GABRG3: variants seen among roughly 807,000 people sequenced by gnomAD.
GABRG3 encodes gamma-aminobutyric acid receptor subunit gamma-3.
Under a neutral mutation model 48.8 loss-of-function variants are expected in GABRG3, and 25 were observed. The ratio of observed to expected loss-of-function variants is 0.51; its 90% confidence interval spans 0.37 to 0.72. The LOEUF (loss-of-function observed/expected upper bound fraction) is 0.72, where lower values mean the gene tolerates loss of function less well. Among genes scored for constraint, GABRG3 ranks in the 30% least tolerant of loss-of-function variants. The pLI, the probability that GABRG3 is intolerant of heterozygous loss-of-function variation, is 0.00. For synonymous variants in GABRG3, 227 were observed against 217.6 expected (o/e 1.04, Z -0.38); for missense variants, 394 against 577.9 (o/e 0.68, Z 3.26).
At chr15:27,098,576 G>A (rs758087359) in intron 3 of GABRG3, among the ~76,000 whole-genome samples, 1 of 152,060 alleles carries the variant, frequency 6.6e-6, no homozygotes, top group South Asian at 2.1e-4. Flanking sequence ...TTTTAAATAA[G>A]AAGTTTGACA....
At chr15:27,363,813 A>T (rs1327123509) in intron 5 of GABRG3, 1 of 152,210 alleles carries the variant, frequency 6.6e-6, no homozygotes. Flanking sequence ...GCTCTGATAG[A>T]CTTACATTGC....
chr15:27,187,458 T>G (rs1367107738), intron 3 of GABRG3, among the ~76,000 whole-genome samples: 6 of 152,300 alleles, frequency 3.9e-5, no homozygotes, highest in Admixed American at 3.9e-4. Context: ...GCATTGGTAG[T>G]TTGATAGGAA....
At chr15:27,520,398 A>T (rs976868665) in intron 7 of GABRG3, among the ~76,000 whole-genome samples, 5 of 151,948 alleles carry the variant, frequency 3.3e-5, no homozygotes, top group Non-Finnish European at 5.9e-5. Context: ...ATGATCACAA[A>T]AACACAGGCA....
chr15:27,247,620 C>T (rs1018798598), intron 3 of GABRG3, among the ~76,000 whole-genome samples: 15 of 152,058 alleles, frequency 9.9e-5, no homozygotes, highest in Admixed American at 4.6e-4. Context: ...TGTATTAGTC[C>T]GTTTTCACGC....
intron 3 of GABRG3, among the ~76,000 whole-genome samples, chr15:27,075,142 T>G (rs1029879467): frequency 6.6e-6 from 1 of 152,240 alleles, no homozygotes; most frequent in South Asian, 2.1e-4. Flanking sequence ...TTTTCTCATT[T>G]GTTTAGAGTA....
chr15:27,367,184 C>G (rs1268136355), intron 5 of GABRG3, among the ~76,000 whole-genome samples: 6 of 152,188 alleles, frequency 3.9e-5, no homozygotes, highest in Non-Finnish European at 1.5e-5. Flanking sequence ...GAGCTGCTCA[C>G]TACCTCCCTC....
chr15:27,322,263 A>C (rs926836165), intron 3 of GABRG3, among the ~76,000 whole-genome samples: 1 of 152,230 alleles, frequency 6.6e-6, no homozygotes, highest in Non-Finnish European at 1.5e-5. Flanking sequence ...TTAAAGTGGC[A>C]TTCATGGCAA....
chr15:27,275,903 G>A (rs1476737828), intron 3 of GABRG3, among the ~76,000 whole-genome samples: 1 of 152,186 alleles, frequency 6.6e-6, no homozygotes, highest in Non-Finnish European at 1.5e-5. Context: ...GGAGAAAGTA[G>A]GGGGCTCTGA....
intron 3 of GABRG3, among the ~76,000 whole-genome samples, chr15:27,076,807 GC>G (rs1467881807): frequency 6.6e-6 from 1 of 152,176 alleles, no homozygotes; most frequent in Non-Finnish European, 1.5e-5. Flanking sequence ...GAATGATTCT[GC>G]CCCAGAGCTC....
At chr15:27,062,766 G>T (rs1896673446) in intron 3 of GABRG3, among the ~76,000 whole-genome samples, 1 of 152,200 alleles carries the variant, frequency 6.6e-6, no homozygotes, top group South Asian at 2.1e-4. Context: ...CAAGGGCCAG[G>T]TGTAGAGAGT....
In GABRG3 at chr15:27,524,203, A is replaced by G. The variant is rs142305144; in HGVS notation, c.866-3230A>G. ...AATGGATTTCTCATCCAAACCATGG[A>G]GGCAAGGAGGAAGTAGCACAGCATT... On this transcript the variant is annotated intron_variant, in intron 7 of 9. Coordinates refer to ENST00000615808, the MANE Select transcript of GABRG3 (RefSeq NM_033223.5). 9.0e-3 allele frequency among the ~76,000 whole-genome samples: 1,374 copies of G among 152,180 alleles called. 31 individuals carry two copies. The highest frequency in any genetic ancestry group is 0.052 in the Admixed American group (799 of 15,284).
At chr15:27,485,120 C>T (rs1461009488) in intron 6 of GABRG3, among the ~76,000 whole-genome samples, 1 of 152,110 alleles carries the variant, frequency 6.6e-6, no homozygotes, top group East Asian at 1.9e-4. Flanking sequence ...CACCACTTGG[C>T]CACGTGATCG....
Position 27,539,393 on chromosome 15 carries a change from G to A in GABRG3, c.*6512G>A, listed in dbSNP as rs1233980702. ...GAACATGTGCCTGTGCCCACCCACA[G>A]CACTTCCTTGGAACTCTAAGCTGCT... On this transcript the variant is annotated 3_prime_UTR_variant, in exon 10 of 10. Coordinates refer to ENST00000615808, the MANE Select transcript of GABRG3 (RefSeq NM_033223.5). 6.6e-6 allele frequency: 1 copy of A among 152,150 alleles called. No homozygotes were observed. The highest frequency in any genetic ancestry group is 1.5e-5 in the Non-Finnish European group (1 of 68,020). 9.4% of individuals were successfully genotyped at this position (152,150 alleles called of 1,614,324 possible). A position where few individuals can be genotyped will look rare whatever the true frequency, so the allele number is the denominator to read the frequency against.
intron 1 of GABRG3, among the ~76,000 whole-genome samples, chr15:26,971,819 C>G (rs904972178): frequency 6.6e-6 from 1 of 152,136 alleles, no homozygotes; most frequent in Non-Finnish European, 1.5e-5. Flanking sequence ...TTAATGGGCT[C>G]GTCTCCTGAC....
intron 3 of GABRG3, among the ~76,000 whole-genome samples, chr15:27,120,523 G>A (rs917584344): frequency 6.6e-6 from 1 of 152,098 alleles, no homozygotes; most frequent in Admixed American, 6.6e-5. Context: ...TGTAGGGAAG[G>A]TCATGATATT....
At chr15:27,018,995 A>G (rs1391741568) in intron 2 of GABRG3, among the ~76,000 whole-genome samples, 1 of 151,148 alleles carries the variant, frequency 6.6e-6, no homozygotes, top group Non-Finnish European at 1.5e-5. Flanking sequence ...TGTCACGATA[A>G]TCATGATGAT....
intron 5 of GABRG3, among the ~76,000 whole-genome samples, chr15:27,339,726 T>G (rs1020887623): frequency 6.6e-6 from 1 of 152,210 alleles, no homozygotes; most frequent in Non-Finnish European, 1.5e-5. Flanking sequence ...TTGCCCAGTC[T>G]TGAAGGTGGG....
chr15:27,382,797 AGTT>A (rs1895815408), intron 5 of GABRG3, among the ~76,000 whole-genome samples: 1 of 152,022 alleles, frequency 6.6e-6, no homozygotes, highest in African/African-American at 2.4e-5. Flanking sequence ...CATAGTATCA[AGTT>A]GTTGTTTACA....
chr15:27,001,730 G>A (rs1895450785), intron 2 of GABRG3, among the ~76,000 whole-genome samples: 1 of 152,118 alleles, frequency 6.6e-6, no homozygotes, highest in Non-Finnish European at 1.5e-5. Flanking sequence ...CTGCTAGGTT[G>A]TGGAAAGAAT....
Sources: gnomAD v4.1 joint callset for allele counts (sites outside exome capture counted in the v4.1 genomes callset) on GRCh38, gnomAD v4.1.1 for gene constraint, MANE v1.5 for transcripts, NCBI Gene and HGNC (gene_info 2026-07-23, HGNC 2026-07-21) for gene names.